SUPT6H: variants seen among roughly 807,000 people sequenced by gnomAD.
SUPT6H encodes the protein transcription elongation factor SPT6.
In SUPT6H, 11 loss-of-function variants were observed where a neutral mutation model predicts 222.3. The observed-to-expected ratio is 0.05, with a 90% CI of 0.03 to 0.08. SUPT6H has a LOEUF of 0.08. Ranked by LOEUF, SUPT6H falls within the 10% of genes least tolerant of loss-of-function variation. SUPT6H has a pLI of 1.00. For synonymous variants in SUPT6H, 762 were observed against 801.2 expected (o/e 0.95, Z 0.83); for missense variants, 1,422 against 2,216.0 (o/e 0.64, Z 7.19).
At position 28,662,239 on chromosome 17, in the gene SUPT6H, G is replaced by A. The variant is rs893453640; in HGVS notation, c.-135G>A. Reference sequence around the variant, plus strand: ...GCAGCGGCGGCGGTGGCGGCGGAGGGGCCGTGCGGTGGGTCCGTACTATCT... The same window carrying A: ...GCAGCGGCGGCGGTGGCGGCGGAGGAGCCGTGCGGTGGGTCCGTACTATCT... On this transcript the variant is annotated 5_prime_UTR_variant, in exon 1 of 37. Transcript: ENST00000314616. The A allele has an allele frequency of 9.5e-6, 2 of 209,578 alleles. No homozygotes were observed. The highest frequency in any genetic ancestry group is 1.5e-4 in the South Asian group (2 of 13,380). 13.0% of individuals were successfully genotyped at this position (209,578 alleles called of 1,614,324 possible). A position where few individuals can be genotyped will look rare whatever the true frequency, so the allele number is the denominator to read the frequency against.
At chr17:28,683,172 A>T in intron 15 of SUPT6H, 80 bp downstream of exon 15, 2 of 1,572,446 alleles carry the variant, frequency 1.3e-6, no homozygotes, top group Non-Finnish European at 1.7e-6. Context: ...CTTCCACTTC[A>T]CTGAGCTGTG....
intron 9 of SUPT6H, 85 bp downstream of exon 9, chr17:28,678,277 G>C (rs2030878812): frequency 6.4e-6 from 8 of 1,256,676 alleles, no homozygotes; most frequent in Non-Finnish European, 4.6e-6. Context: ...TGAGGTGGGA[G>C]CCCCCTTCCC....
intron 17 of SUPT6H, 47 bp from the exon 18 acceptor site, chr17:28,684,539 C>T: frequency 6.2e-7 from 1 of 1,610,542 alleles, no homozygotes; most frequent in South Asian, 1.1e-5. Flanking sequence ...AGCCTGATGA[C>T]CATAATGTCA....
intron 1 of SUPT6H, chr17:28,672,583 T>G (rs1311694472): frequency 6.6e-6 from 1 of 151,834 alleles, no homozygotes; most frequent in Non-Finnish European, 1.5e-5. Flanking sequence ...CCGGATAATT[T>G]TTGTATTTTT....
In SUPT6H at chr17:28,700,436, C is replaced by T; in HGVS notation, c.4730C>T (p.Pro1577Leu). Reference sequence around the variant, plus strand: ...GCGGTGACAGGCCAAGGACAGAACCCTAATGCCACCCCAGCCCAGTGGGCC... The same window carrying T: ...GCGGTGACAGGCCAAGGACAGAACCTTAATGCCACCCCAGCCCAGTGGGCC... ...IAAVTGQGQN[P>L]NATPAQWASS... Residue 1577 changes from proline to leucine, a missense_variant, in exon 35 of 37, where the codon CCT (proline) becomes CTT (leucine). By Grantham distance (98) the Pro-to-Leu change is moderately conservative (BLOSUM62 -3). This residue lies in a region of SUPT6H where 395 missense variants were observed against 580.6 expected (regional missense o/e 0.68). Transcript: ENST00000314616. 6.2e-7 allele frequency: 1 copy of T among 1,614,234 alleles called. No homozygotes were observed. Among genetic ancestry groups the T allele is most frequent in the Non-Finnish European group, 8.5e-7 (1 of 1,180,044 alleles).
At position 28,684,811 on chromosome 17, in the gene SUPT6H, T is replaced by G. The variant is rs1157031589; in HGVS notation, c.2370-33T>G. Reference sequence around the variant, plus strand: ...TCATTCATAACTTCATATTGCTGATTATTGCATTCTTGTTTTTCTGTCTGT... The same window carrying G: ...TCATTCATAACTTCATATTGCTGATGATTGCATTCTTGTTTTTCTGTCTGT... On this transcript the variant is annotated intron_variant, in intron 18 of 36. Transcript: ENST00000314616. 4 of 1,613,952 alleles carry G rather than the reference T, an allele frequency of 2.5e-6. No individual in the cohort carries two copies. The Admixed American group carries it at 5.0e-5, about 20-fold the overall frequency.
chr17:28,674,630 G>C lies in SUPT6H; in HGVS notation c.345+17G>C, dbSNP rs1263756140. The C allele has an allele frequency of 6.2e-7, 1 of 1,612,466 alleles. No homozygotes were observed. The highest frequency in any genetic ancestry group is 8.5e-7 in the Non-Finnish European group (1 of 1,178,614). ...AAAAGAGGAGTAAGTGTCATTCTTT[G>C]TCTTTTGTCCCTGGGGGTAAAGGAA... On this transcript the variant is annotated intron_variant, in intron 4 of 36. Transcript: ENST00000314616.
intron 11 of SUPT6H, among the ~76,000 whole-genome samples, chr17:28,679,851 G>A (rs1597699182): frequency 6.6e-6 from 1 of 150,496 alleles, no homozygotes. Context: ...TTAGCTGGGC[G>A]TGGGGACAGG....
At position 28,681,278 on chromosome 17, in the gene SUPT6H, G is replaced by T. The variant is rs992145520; in HGVS notation, c.1372G>T (p.Asp458Tyr). Residue 458 changes from aspartate (D) to tyrosine (Y), a missense_variant, in exon 12 of 37, where the codon GAT (aspartate) becomes TAT (tyrosine). Asp to Tyr is a radical substitution (Grantham distance 160). Coordinates refer to ENST00000314616, the MANE Select transcript of SUPT6H (RefSeq NM_003170.5). ...CAGGCTCAAGGATGTCCAATCAATG[G>T]ATGAGCTGAAAGATGTCTACAACCA... The part of the protein sequence containing the change: ...MERLKDVQSM[D>Y]ELKDVYNHFL... 3 of 1,613,980 alleles carry T rather than the reference G, an allele frequency of 1.9e-6. No individual in the cohort carries two copies. The highest frequency in any genetic ancestry group is 1.7e-6 in the Non-Finnish European group (2 of 1,180,006).
rs776698675 is a variant in SUPT6H at position 28,683,250 on chromosome 17, C to G, written c.1879-18C>G. The stretch of plus-strand genomic sequence containing the variant: ...CCAGCCCATCCGCAGGCTCATGATT[C>G]CCCCTTCATGTGTGCAGGATGTGGA... On this transcript the variant is annotated intron_variant, in intron 15 of 36. Coordinates refer to ENST00000314616, the MANE Select transcript of SUPT6H (RefSeq NM_003170.5). 6.2e-7 allele frequency: 1 copy of G among 1,611,180 alleles called. No individual in the cohort carries two copies. Among genetic ancestry groups the G allele is most frequent in the South Asian group, 1.1e-5 (1 of 90,854 alleles).
chr17:28,688,138 C>G lies in SUPT6H; in HGVS notation c.3054C>G (p.Val1018=). 1 of 1,613,540 alleles carries G rather than the reference C, an allele frequency of 6.2e-7. No homozygotes were observed. The change falls in exon 24 of 37, where the codon GTC becomes GTG. Residue 1018 remains valine, a synonymous_variant. Transcript: ENST00000314616. The surrounding 1 kb of genome is among the most constrained non-coding windows in gnomAD (Gnocchi z 4.3). ...NTRLESRTQL[V]TMCHMGPKVF... is the part of the protein sequence containing the mutation. Reference sequence around the variant, plus strand: ...GGCTCGAGAGCCGGACCCAGCTGGTCACCATGTGCCACATGGGTCCCAAAG... The same window carrying G: ...GGCTCGAGAGCCGGACCCAGCTGGTGACCATGTGCCACATGGGTCCCAAAG...
chr17:28,697,791 T>C, intron 31 of SUPT6H, 58 bp downstream of exon 31: 1 of 1,609,898 alleles, frequency 6.2e-7, no homozygotes, highest in Non-Finnish European at 8.5e-7. Context: ...ATGTACGCTT[T>C]CCCTTCAGTA....
chr17:28,667,489 A>G (rs1480231396), intron 1 of SUPT6H, among the ~76,000 whole-genome samples: 2 of 137,672 alleles, frequency 1.5e-5, no homozygotes, highest in South Asian at 2.4e-4. Context: ...GTGTGTGTAT[A>G]TATGTATATG....
chr17:28,680,860 G>A, intron 11 of SUPT6H, among the ~76,000 whole-genome samples: 1 of 152,160 alleles, frequency 6.6e-6, no homozygotes, highest in Admixed American at 6.5e-5. Flanking sequence ...TGTTAGCCAG[G>A]ATGGTCTCTA....
chr17:28,677,382 CA>C (rs534234394), intron 7 of SUPT6H, among the ~76,000 whole-genome samples: 3,333 of 129,900 alleles, frequency 0.026, 101 homozygotes, highest in African/African-American at 0.084. Context: ...GACTCCATCT[CA>C]AAAAAAAAAA....
chr17:28,667,430 T>TATATAC (rs1198673614), intron 1 of SUPT6H, among the ~76,000 whole-genome samples: 2 of 135,382 alleles, frequency 1.5e-5, no homozygotes, highest in Non-Finnish European at 3.1e-5. Context: ...TATATATATA[T>TATATAC]ATATATGTAT....
chr17:28,699,715 TG>T (rs2032056935), intron 32 of SUPT6H, 65 bp from the exon 33 acceptor site: 1 of 1,320,142 alleles, frequency 7.6e-7, no homozygotes, highest in South Asian at 1.2e-5. Context: ...GGTGGGCATC[TG>T]TTCTGGTCGC....
At position 28,677,678 on chromosome 17, in the gene SUPT6H, T is replaced by A. The variant is rs1407308008; in HGVS notation, c.898-37T>A. The A allele has an allele frequency of 2.0e-6, 3 of 1,476,032 alleles. No homozygotes were observed. In the Admixed American group the frequency reaches 5.4e-5, roughly 27 times the overall value. The allele number at this position is 1,476,032 out of a possible 1,614,324, so 91.4% of individuals were successfully genotyped here. On this transcript the variant is annotated intron_variant, in intron 7 of 36. Transcript: ENST00000314616. The stretch of plus-strand genomic sequence containing the variant: ...TGTTTTTCTTAAGTGAGACACAAGA[T>A]AAAGTCCGTCTCACCCTGTTGTCTT...
chr17:28,680,221 G>A (rs547939590), intron 11 of SUPT6H, among the ~76,000 whole-genome samples: 41 of 151,652 alleles, frequency 2.7e-4, no homozygotes, highest in South Asian at 1.5e-3. Flanking sequence ...CAGGAGAATC[G>A]CTTGAACCTG....
Sources: allele counts gnomAD v4.1 joint callset (sites outside exome capture counted in the v4.1 genomes callset), GRCh38; gene constraint gnomAD v4.1.1; regional missense constraint gnomAD v4.1.1; non-coding constraint Gnocchi (gnomAD v3.1); transcripts MANE v1.5; gene names NCBI Gene and HGNC (gene_info 2026-07-23, HGNC 2026-07-21).